The following PCDHGB1 variants were observed in gnomAD, a reference collection of about 807,000 sequenced individuals.
PCDHGB1 encodes the protein protocadherin gamma subfamily B, 1.
PCDHGB1 carries 34 observed loss-of-function variants against 56.6 expected under a neutral mutation model. That is an observed-to-expected ratio of 0.60 (90% CI 0.46 to 0.80). The LOEUF (loss-of-function observed/expected upper bound fraction) is 0.80. Ranked by LOEUF, PCDHGB1 falls within the 30% of genes least tolerant of loss-of-function variation. PCDHGB1 has a pLI of 0.00. For synonymous variants in PCDHGB1, 561 were observed against 505.9 expected (o/e 1.11, Z -1.46); for missense variants, 1,278 against 1,204.6 (o/e 1.06, Z -0.90).
At chr5:141,361,502 C>T in intron 1 of PCDHGB1, 5 of 1,614,038 alleles carry the variant, frequency 3.1e-6, no homozygotes, top group Non-Finnish European at 4.2e-6. Context: ...CAACAGACTT[C>T]CTACATGGTT....
chr5:141,394,560 G>GGGCT, intron 1 of PCDHGB1: 2 of 1,614,118 alleles, frequency 1.2e-6, no homozygotes, highest in Non-Finnish European at 1.7e-6. Flanking sequence ...CCGCTCCGCA[G>GGGCT]AGCGTGGCTA....
intron 1 of PCDHGB1, chr5:141,371,657 G>T: frequency 6.2e-7 from 1 of 1,613,988 alleles, no homozygotes; most frequent in Non-Finnish European, 8.5e-7. Context: ...ACAATGTGAC[G>T]ATCACAGCTA....
chr5:141,419,067 A>C (rs2096321794), intron 1 of PCDHGB1: 2 of 1,613,956 alleles, frequency 1.2e-6, no homozygotes, highest in African/African-American at 1.3e-5. Flanking sequence ...AATTACTACA[A>C]GCTAGTAACA....
intron 1 of PCDHGB1, among the ~76,000 whole-genome samples, chr5:141,479,965 T>C (rs2099510479): frequency 6.6e-6 from 1 of 152,234 alleles, no homozygotes; most frequent in East Asian, 1.9e-4. Context: ...GTTAGTCAAA[T>C]GAGGTTCTAC....
chr5:141,395,290 T>G, intron 1 of PCDHGB1: 1 of 1,529,838 alleles, frequency 6.5e-7, no homozygotes, highest in Non-Finnish European at 8.8e-7. Context: ...TTATTTGGCA[T>G]AAATTATGTT....
rs745435492 is a variant in PCDHGB1, at chr5:141,489,215, A to G, written c.2410-5592A>G. The G allele has an allele frequency of 4.1e-6, 6 of 1,475,362 alleles. No homozygotes were observed. Among genetic ancestry groups the G allele is most frequent in the Non-Finnish European group, 5.5e-6 (6 of 1,093,140 alleles). 91.4% of individuals were successfully genotyped at this position (1,475,362 alleles called of 1,614,324 possible). A position where few individuals can be genotyped will look rare whatever the true frequency, so the allele number is the denominator to read the frequency against. ...CTTGGAGACAGGACAGCACAGACTT[A>G]CTCTCCACAAAGGGACTTCTGGGTC... On this transcript the variant is annotated intron_variant, in intron 1 of 3. Coordinates refer to ENST00000523390, the MANE Select transcript of PCDHGB1 (RefSeq NM_018922.3). The surrounding 1 kb of genome is among the most constrained non-coding windows in gnomAD (Gnocchi z 4.5).
chr5:141,377,336 T>A (rs1773892905), intron 1 of PCDHGB1: 1 of 152,194 alleles, frequency 6.6e-6, no homozygotes, highest in South Asian at 2.1e-4. Context: ...GCTAGCATGG[T>A]GGTTCACGCC....
intron 1 of PCDHGB1, among the ~76,000 whole-genome samples, chr5:141,436,010 A>G (rs1188507054): frequency 6.6e-6 from 1 of 152,168 alleles, no homozygotes; most frequent in Non-Finnish European, 1.5e-5. Context: ...AAGTATTTGA[A>G]TTTATCTAAA....
At chr5:141,396,661 A>T (rs2093417070) in intron 1 of PCDHGB1, 1 of 152,162 alleles carries the variant, frequency 6.6e-6, no homozygotes, top group Admixed American at 6.5e-5. Flanking sequence ...AACTCGGTAT[A>T]GGCTATCCAT....
chr5:141,355,887 C>G, intron 1 of PCDHGB1: 1 of 1,613,492 alleles, frequency 6.2e-7, no homozygotes, highest in South Asian at 1.1e-5. Context: ...CCAGGATTCT[C>G]ATAATACTTG....
chr5:141,431,554 C>A lies in PCDHGB1; in HGVS notation c.2410-63253C>A, dbSNP rs766242338. On this transcript the variant is annotated intron_variant, in intron 1 of 3. Coordinates refer to ENST00000523390, the MANE Select transcript of PCDHGB1 (RefSeq NM_018922.3). The surrounding 1 kb of genome is among the most constrained non-coding windows in gnomAD (Gnocchi z 4.8). ...TGGGCACGCAGCTGCTTGTAGTCAA[C>A]GCTACCGACCCTGACGAAGGAGTCA... 1.2e-6 allele frequency: 2 copies of A among 1,614,008 alleles called. No individual in the cohort carries two copies. Among genetic ancestry groups the A allele is most frequent in the African/African-American group, 1.3e-5 (1 of 74,942 alleles).
chr5:141,365,713 C>G, intron 1 of PCDHGB1: 1 of 1,613,760 alleles, frequency 6.2e-7, no homozygotes, highest in East Asian at 2.2e-5. Context: ...CCACCTCTGT[C>G]ACAGAAAACA....
chr5:141,410,345 C>T, intron 1 of PCDHGB1: 1 of 1,614,040 alleles, frequency 6.2e-7, no homozygotes, highest in Non-Finnish European at 8.5e-7. Flanking sequence ...TGCCTTGCGC[C>T]TGCGACGCTC....
At chr5:141,409,687 C>A (rs1190888512) in intron 1 of PCDHGB1, 2 of 1,613,202 alleles carry the variant, frequency 1.2e-6, no homozygotes, top group East Asian at 4.5e-5. Context: ...TGGCGAGTGA[C>A]CTAGAGCCCC....
intron 1 of PCDHGB1, among the ~76,000 whole-genome samples, chr5:141,481,695 T>A (rs2099542216): frequency 1.3e-5 from 2 of 152,122 alleles, no homozygotes; most frequent in Non-Finnish European, 2.9e-5. Context: ...GGCTCACGCC[T>A]GTAATCCCAG....
intron 1 of PCDHGB1, chr5:141,372,308 C>T (rs1343054904): frequency 1.2e-6 from 2 of 1,613,474 alleles, no homozygotes; most frequent in South Asian, 2.2e-5. Flanking sequence ...GGGAGGCCGC[C>T]CGCCAGCGCC....
At chr5:141,441,499 GCCT>G (rs1350774469) in intron 1 of PCDHGB1, 5 of 169,932 alleles carry the variant, frequency 2.9e-5, no homozygotes, top group African/African-American at 1.2e-4. Context: ...TTTCTACCAG[GCCT>G]CCTACGTCGT....
intron 1 of PCDHGB1, chr5:141,409,995 C>T: frequency 1.2e-6 from 2 of 1,613,308 alleles, no homozygotes; most frequent in Non-Finnish European, 1.7e-6. Context: ...GACGCCGACT[C>T]GGGACACAAC....
At position 141,351,151 on chromosome 5, in the gene PCDHGB1, C is replaced by G; in HGVS notation, c.891C>G (p.Ile297Met). The G allele has an allele frequency of 1.2e-6, 2 of 1,614,024 alleles. No individual in the cohort carries two copies. The highest frequency in any genetic ancestry group is 1.7e-6 in the Non-Finnish European group (2 of 1,179,890). ...ATCTCAATCCAAATACTGGCGACAT[C>G]ACAACCAATGGCACATTGGATTTTG... ...LFNLNPNTGD[I>M]TTNGTLDFEE... Residue 297 changes from isoleucine (I) to methionine (M), a missense_variant, in exon 1 of 4, where the codon ATC becomes ATG. Transcript: ENST00000523390.
Sources: gnomAD v4.1 joint callset for allele counts (sites outside exome capture counted in the v4.1 genomes callset) on GRCh38, gnomAD v4.1.1 for gene constraint, Gnocchi (gnomAD v3.1) non-coding constraint, MANE v1.5 for transcripts, NCBI Gene and HGNC (gene_info 2026-07-23, HGNC 2026-07-21) for gene names.